KANK1: variants seen among roughly 807,000 people sequenced by gnomAD.
The protein encoded by KANK1 is KN motif and ankyrin repeat domains 1, also known as KN motif and ankyrin repeat domain-containing protein 1.
A neutral mutation model predicts 106.2 loss-of-function variants in KANK1; 109 were observed. The ratio of observed to expected loss-of-function variants is 1.03; its 90% CI spans 0.88 to 1.20. The LOEUF is 1.20. KANK1 is among the 50% of genes most tolerant of loss of function. KANK1 has a pLI of 0.00. For synonymous variants in KANK1, 873 were observed against 652.2 expected (o/e 1.34, Z -5.16); for missense variants, 2,399 against 1,710.7 (o/e 1.40, Z -7.10).
intron 3 of KANK1, among the ~76,000 whole-genome samples, chr9:717,418 G>A (rs1426132596): frequency 6.6e-6 from 1 of 152,198 alleles, no homozygotes; most frequent in East Asian, 1.9e-4. Context: ...TTGCACGTCT[G>A]TATTTTAGAA....
rs181866894 is a variant in KANK1, at chr9:591,126, T to A, written c.-83-85764T>A. Among the ~76,000 whole-genome samples the A allele has an allele frequency of 2.6e-5, 4 of 152,030 alleles. No individual in the cohort carries two copies. The East Asian group carries it at 7.7e-4, about 29-fold the overall frequency. ...TTGCCCATTTCTCCAGAGGGGTATT[T>A]GCTATTTTTGTTACTGACTTGCAGC... On this transcript the variant is annotated intron_variant, in intron 1 of 11. Transcript: ENST00000382297.
Position 692,229 on chromosome 9 carries a change from T to TGA in KANK1, c.37+15221_37+15222insAG, listed in dbSNP as rs543890391. ...ACTTTCCTTCTGTCTCATCTCCTAC[T>TGA]GGTGACCACAGTTACTGATGGGAGA... On this transcript the variant is annotated intron_variant, in intron 2 of 11. Transcript: ENST00000382297. Among the ~76,000 whole-genome samples the TGA allele has an allele frequency of 1.2e-3, 176 of 152,340 alleles. 3 individuals carry two copies. Among genetic ancestry groups the TGA allele is most frequent in the Admixed American group, 8.6e-3 (131 of 15,296 alleles).
chr9:474,417 C>T (rs894757652), intron 3 of KANK1, among the ~76,000 whole-genome samples: 5 of 152,144 alleles, frequency 3.3e-5, no homozygotes, highest in African/African-American at 4.8e-5. Flanking sequence ...GTATGTTTCT[C>T]ACTTATCTAT....
chr9:480,819 G>A (rs570928967), intron 3 of KANK1, among the ~76,000 whole-genome samples: 1 of 152,176 alleles, frequency 6.6e-6, no homozygotes, highest in South Asian at 2.1e-4. Flanking sequence ...ATTCCTTAAG[G>A]GGTTGGGCAG....
chr9:498,333 C>A (rs1489808394), intron 3 of KANK1, among the ~76,000 whole-genome samples: 1 of 152,092 alleles, frequency 6.6e-6, no homozygotes, highest in African/African-American at 2.4e-5. Flanking sequence ...AACTACAAAG[C>A]TTGTATAACG....
chr9:726,074 C>T (rs60673980), intron 3 of KANK1, among the ~76,000 whole-genome samples: 11,429 of 152,176 alleles, frequency 0.075, 998 homozygotes, highest in African/African-American at 0.2. Flanking sequence ...CTAATACATA[C>T]ATATGTAAAT....
Position 602,445 on chromosome 9 carries a change from A to G in KANK1, c.-83-74445A>G, listed in dbSNP as rs957247609. On this transcript the variant is annotated intron_variant, in intron 1 of 11. Transcript: ENST00000382297. ...CAGCTAATTTTTGTATTTTTAGTAG[A>G]GATGTGGTTTCACCATGTTGGCCAG... Among the ~76,000 whole-genome samples the G allele has an allele frequency of 3.3e-5, 5 of 151,414 alleles. No individual in the cohort carries two copies. In the South Asian group the frequency reaches 1.0e-3, roughly 32 times the overall value.
At chr9:515,567 A>T (rs1000121351) in intron 1 of KANK1, among the ~76,000 whole-genome samples, 9 of 151,792 alleles carry the variant, frequency 5.9e-5, no homozygotes, top group Non-Finnish European at 1.3e-4. Flanking sequence ...TATTTAAAGG[A>T]TGAAACTGCT....
chr9:536,576 G>C (rs542644136), intron 1 of KANK1, among the ~76,000 whole-genome samples: 1 of 152,054 alleles, frequency 6.6e-6, no homozygotes, highest in Non-Finnish European at 1.5e-5. Flanking sequence ...TCCCTTTTAC[G>C]CCTGACATTT....
chr9:734,627 C>G, intron 6 of KANK1, 121 bp from the exon 7 acceptor site: 1 of 637,440 alleles, frequency 1.6e-6, no homozygotes, highest in Non-Finnish European at 2.8e-6. Context: ...GATCATGCCA[C>G]TGCACTCCAG....
At chr9:621,069 A>G (rs1833036024) in intron 1 of KANK1, among the ~76,000 whole-genome samples, 1 of 152,182 alleles carries the variant, frequency 6.6e-6, no homozygotes, top group Non-Finnish European at 1.5e-5. Flanking sequence ...AATGCCCAGT[A>G]CTAGAAATCT....
chr9:733,184 T>C (rs908191326), intron 6 of KANK1: 3 of 152,276 alleles, frequency 2.0e-5, no homozygotes, highest in African/African-American at 7.2e-5. Flanking sequence ...GGCTGAAATA[T>C]GTGCCTCAGA....
intron 1 of KANK1, among the ~76,000 whole-genome samples, chr9:512,889 T>C (rs538995936): frequency 6.6e-6 from 1 of 152,366 alleles, no homozygotes; most frequent in South Asian, 2.1e-4. Flanking sequence ...AGATATCTTA[T>C]TATTTTTGCC....
chr9:662,610 A>G (rs7867170), intron 1 of KANK1, among the ~76,000 whole-genome samples: 127,204 of 151,714 alleles, frequency 0.84, 53,476 homozygotes, highest in East Asian at 0.97. Context: ...AAACTGGCTA[A>G]CTATATTTAG....
chr9:664,237 C>T (rs546190754), intron 1 of KANK1, among the ~76,000 whole-genome samples: 1 of 152,244 alleles, frequency 6.6e-6, no homozygotes, highest in East Asian at 1.9e-4. Context: ...CACTACCCTT[C>T]CCAGCCTCCG....
At chr9:547,364 C>T (rs904793975) in intron 1 of KANK1, 1 of 152,168 alleles carries the variant, frequency 6.6e-6, no homozygotes, top group Non-Finnish European at 1.5e-5. Context: ...AGCAAAGTTG[C>T]CTTTTCTGTT....
intron 1 of KANK1, among the ~76,000 whole-genome samples, chr9:596,165 A>C (rs1826158064): frequency 6.6e-6 from 1 of 151,844 alleles, no homozygotes; most frequent in African/African-American, 2.4e-5. Flanking sequence ...TCAGGTGTGA[A>C]ATTTCCACTT....
In KANK1 at chr9:712,503, C is replaced by G; in HGVS notation, c.1737C>G (p.Asp579Glu). Reference protein sequence around the residue: ...WIVKERVEMHDRCAGRSVEMC... With the variant: ...WIVKERVEMHERCAGRSVEMC... ...TTAAGGAGAGGGTGGAAATGCATGA[C>G]CGATGTGCTGGGAGGTCTGTGGAAA... The change falls in exon 3 of 12, where the codon GAC becomes GAG. Residue 579 changes from aspartate to glutamate, a missense_variant. Transcript: ENST00000382297. 6.2e-7 allele frequency: 1 copy of G among 1,614,088 alleles called. No individual in the cohort carries two copies. The highest frequency in any genetic ancestry group is 8.5e-7 in the Non-Finnish European group (1 of 1,180,032).
chr9:616,217 TCCTAC>T (rs1311640262), intron 1 of KANK1, among the ~76,000 whole-genome samples: 1 of 152,202 alleles, frequency 6.6e-6, no homozygotes, highest in Non-Finnish European at 1.5e-5. Flanking sequence ...TTTTATCCGG[TCCTAC>T]CTTATTGCAT....
Sources: allele counts gnomAD v4.1 joint callset (sites outside exome capture counted in the v4.1 genomes callset), GRCh38; gene constraint gnomAD v4.1.1; transcripts MANE v1.5; gene names NCBI Gene and HGNC (gene_info 2026-07-23, HGNC 2026-07-21).